Variants in CCDC38 observed in about 807,000 individuals in gnomAD.
The protein encoded by CCDC38 is coiled-coil domain-containing protein 38.
In CCDC38, 69 loss-of-function variants were observed where a neutral mutation model predicts 72.8. The observed-to-expected ratio is 0.95, with a 90% confidence interval of 0.78 to 1.16. The LOEUF is 1.16. Among genes scored for constraint, CCDC38 ranks in the 50% most tolerant of loss-of-function variants. The probability of loss-of-function intolerance (pLI) is 0.00; values close to 1 mark genes in which losing one functional copy is unlikely to be tolerated. For synonymous variants in CCDC38, 201 were observed against 213.2 expected, an observed-to-expected ratio of 0.94 and a Z score of 0.50; for missense variants, 626 against 638.9, an observed-to-expected ratio of 0.98 and a Z score of 0.22.
chr12:95,924,570 T>G (rs1224525403), intron 2 of CCDC38, among the ~76,000 whole-genome samples: 1 of 150,656 alleles, frequency 6.6e-6, no homozygotes, highest in African/African-American at 2.4e-5. Context: ...AATTTTGGCT[T>G]TGGTTGCCAT....
At chr12:95,881,771 CACAA>C (rs1332309119) in intron 10 of CCDC38, among the ~76,000 whole-genome samples, 1 of 152,170 alleles carries the variant, frequency 6.6e-6, no homozygotes, top group East Asian at 1.9e-4. Context: ...AGCTGACATA[CACAA>C]ACAATGAGAC....
At chr12:95,908,197 C>G (rs1000655332) in intron 4 of CCDC38, among the ~76,000 whole-genome samples, 14 of 151,694 alleles carry the variant, frequency 9.2e-5, no homozygotes, top group African/African-American at 3.4e-4. Context: ...AAGGAGACTC[C>G]GTCTGCAATC....
intron 8 of CCDC38, among the ~76,000 whole-genome samples, chr12:95,891,132 T>C (rs1415011964): frequency 1.3e-5 from 2 of 152,222 alleles, no homozygotes; most frequent in African/African-American, 4.8e-5. Flanking sequence ...GATGGTAATA[T>C]GCAAACACAA....
intron 7 of CCDC38, 27 bp from the exon 8 acceptor site, chr12:95,895,173 T>C (rs753274626): frequency 1.9e-6 from 3 of 1,560,446 alleles, no homozygotes; most frequent in Admixed American, 2.0e-5. Context: ...AAGATATGAT[T>C]AGGTATATCA....
At chr12:95,877,048 T>G (rs897391826) in intron 13 of CCDC38, among the ~76,000 whole-genome samples, 1 of 152,106 alleles carries the variant, frequency 6.6e-6, no homozygotes, top group East Asian at 1.9e-4. Flanking sequence ...CAGTTAAGAT[T>G]AAACAAGTTT....
At chr12:95,885,670 A>C (rs763488553) in intron 10 of CCDC38, 3 of 153,698 alleles carry the variant, frequency 2.0e-5, no homozygotes, top group Non-Finnish European at 2.9e-5. Context: ...TGATGTCAAC[A>C]CCTTGAAAGA....
chr12:95,892,583 C>CT (rs577335624), intron 8 of CCDC38, among the ~76,000 whole-genome samples: 8,470 of 121,168 alleles, frequency 0.07, 780 homozygotes, highest in East Asian at 0.36. Context: ...GGCTTAAATT[C>CT]TTTTTTTTTT....
intron 2 of CCDC38, chr12:95,934,074 A>C (rs1282868457): frequency 5.3e-5 from 8 of 152,104 alleles, no homozygotes; most frequent in Admixed American, 5.2e-4. Context: ...TGTTAACTGA[A>C]AAATTTCTAA....
At chr12:95,932,999 G>T (rs1325802401) in intron 2 of CCDC38, among the ~76,000 whole-genome samples, 1 of 152,146 alleles carries the variant, frequency 6.6e-6, no homozygotes, top group Non-Finnish European at 1.5e-5. Context: ...TATTCTCATG[G>T]AATAAAAGGA....
At chr12:95,886,894 T>C (rs1555227526) in intron 10 of CCDC38, among the ~76,000 whole-genome samples, 1 of 152,164 alleles carries the variant, frequency 6.6e-6, no homozygotes, top group Non-Finnish European at 1.5e-5. Flanking sequence ...CTTTAAAAAC[T>C]GAACATGCGG....
At chr12:95,903,130 C>G (rs937216943) in intron 5 of CCDC38, among the ~76,000 whole-genome samples, 7 of 152,048 alleles carry the variant, frequency 4.6e-5, no homozygotes, top group Non-Finnish European at 1.5e-5. Context: ...ACAAACATAT[C>G]TAGAATTATT....
At chr12:95,914,319 G>A (rs1053860800) in intron 4 of CCDC38, among the ~76,000 whole-genome samples, 38 of 152,084 alleles carry the variant, frequency 2.5e-4, no homozygotes, top group African/African-American at 8.7e-4. Context: ...GAAAGACTCC[G>A]TCTCAAAAAC....
intron 7 of CCDC38, chr12:95,896,508 G>A (rs1468575755): frequency 6.6e-6 from 1 of 152,250 alleles, no homozygotes; most frequent in Non-Finnish European, 1.5e-5. Context: ...TTCAGCCCTG[G>A]TGCAAGAGTG....
intron 5 of CCDC38, among the ~76,000 whole-genome samples, chr12:95,904,854 C>T (rs2079985153): frequency 6.6e-6 from 1 of 152,118 alleles, no homozygotes; most frequent in African/African-American, 2.4e-5. Flanking sequence ...AGAAAGACAG[C>T]CTGATTAAGT....
intron 8 of CCDC38, among the ~76,000 whole-genome samples, chr12:95,892,374 T>A (rs2079838266): frequency 7.2e-6 from 1 of 139,822 alleles, no homozygotes; most frequent in Admixed American, 7.6e-5. Flanking sequence ...AACTTCCTCC[T>A]CCTGGGCTCA....
chr12:95,912,445 C>G (rs182761540), intron 4 of CCDC38, among the ~76,000 whole-genome samples: 20 of 151,804 alleles, frequency 1.3e-4, no homozygotes, highest in African/African-American at 4.8e-4. Context: ...GAATAGTGGT[C>G]ACTAGAAGCA....
In CCDC38 at chr12:95,936,539, A is replaced by G. The variant is rs2080396303; in HGVS notation, c.-14-16T>C. The G allele has an allele frequency of 6.2e-7, 1 of 1,608,806 alleles. No individual in the cohort carries two copies. The highest frequency in any genetic ancestry group is 8.5e-7 in the Non-Finnish European group (1 of 1,178,020). On this transcript the variant is annotated splice_polypyrimidine_tract_variant and intron_variant, in intron 1 of 15. Transcript: ENST00000344280. Reference sequence around the variant, plus strand: ...TTGCCTGGCCCTGTTGAAAGAAAAAAAAATACGTTTTTTAAAAATTCTATG... The same window carrying G: ...TTGCCTGGCCCTGTTGAAAGAAAAAGAAATACGTTTTTTAAAAATTCTATG...
intron 14 of CCDC38, chr12:95,869,823 T>G (rs1379659057): frequency 2.6e-5 from 1 of 38,900 alleles, no homozygotes; most frequent in Non-Finnish European, 5.0e-5. Context: ...CTTGGTCTAT[T>G]TTTTTTTTTT....
chr12:95,934,663 G>T (rs890597080), intron 2 of CCDC38: 1 of 149,492 alleles, frequency 6.7e-6, no homozygotes, highest in Non-Finnish European at 1.5e-5. Flanking sequence ...ATACCTAGGA[G>T]TTCCTTTTAT....
Sources: allele counts gnomAD v4.1 joint callset (sites outside exome capture counted in the v4.1 genomes callset), GRCh38; gene constraint gnomAD v4.1.1; transcripts MANE v1.5; gene names NCBI Gene and HGNC (gene_info 2026-07-23, HGNC 2026-07-21).